The following PGAP1 variants were observed in gnomAD, a reference collection of about 807,000 sequenced individuals.
PGAP1 encodes GPI inositol-deacylase.
In PGAP1, 76 loss-of-function variants were observed where a neutral mutation model predicts 127.0. That is an observed-to-expected ratio of 0.60 (90% confidence interval 0.50 to 0.72). The LOEUF (loss-of-function observed/expected upper bound fraction) is 0.72. Ranked by LOEUF, PGAP1 falls within the 30% of genes least tolerant of loss-of-function variation. PGAP1 has a pLI of 0.00. For missense variants in PGAP1, 982 were observed against 1,071.3 expected (o/e 0.92, Z 1.16); for synonymous variants, 362 against 366.5 (o/e 0.99, Z 0.14).
chr2:196,879,988 C>CCG, intron 13 of PGAP1, 88 bp downstream of exon 13: 3 of 901,262 alleles, frequency 3.3e-6, no homozygotes, highest in Non-Finnish European at 5.3e-6. Flanking sequence ...TTTAGATAAA[C>CCG]TGTGCAGAAA....
At chr2:196,914,648 CAAAA>C (rs1702941438) in intron 3 of PGAP1, among the ~76,000 whole-genome samples, 1 of 150,412 alleles carries the variant, frequency 6.6e-6, no homozygotes, top group East Asian at 2.0e-4. Context: ...CAAAACAAAA[CAAAA>C]CAAAACAAAA....
intron 13 of PGAP1, among the ~76,000 whole-genome samples, chr2:196,878,947 A>C (rs1341144754): frequency 6.6e-6 from 1 of 152,208 alleles, no homozygotes; most frequent in Non-Finnish European, 1.5e-5. Context: ...TTTTTATTTT[A>C]TATTAACTTA....
intron 20 of PGAP1, among the ~76,000 whole-genome samples, chr2:196,863,681 G>A (rs1174607087): frequency 6.6e-6 from 1 of 152,120 alleles, no homozygotes; most frequent in East Asian, 1.9e-4. Flanking sequence ...GGATTCAAGC[G>A]ATTCTCCTGC....
chr2:196,920,100 C>A lies in PGAP1; in HGVS notation c.198G>T (p.Leu66Phe), dbSNP rs755140901. ...KLAKRYPAYE[L>F]YLYGEGSYAE... ...CATAGGATCCCTCTCCATAAAGATA[C>A]AACTCATATGCGGGATAGCGTTTTG... The change falls in exon 2 of 27, where the codon TTG (leucine) becomes TTT (phenylalanine). Residue 66 changes from leucine to phenylalanine, a missense_variant. Transcript: ENST00000354764. 1 of 1,613,112 alleles carries A rather than the reference C, an allele frequency of 6.2e-7. No individual in the cohort carries two copies. The highest frequency in any genetic ancestry group is 1.1e-5 in the South Asian group (1 of 90,926).
At chr2:196,871,093 G>A in intron 18 of PGAP1, 114 bp from the exon 19 acceptor site, 5 of 715,296 alleles carry the variant, frequency 7.0e-6, no homozygotes, top group Non-Finnish European at 1.1e-5. Context: ...TTTCTATAAT[G>A]GTAAACCTTA....
intron 5 of PGAP1, among the ~76,000 whole-genome samples, chr2:196,898,859 T>C (rs1702378303): frequency 6.6e-6 from 1 of 151,566 alleles, no homozygotes; most frequent in South Asian, 2.1e-4. Flanking sequence ...AAACCAAATA[T>C]GCCTAATCAC....
At chr2:196,842,925 C>A in intron 25 of PGAP1, 100 bp from the exon 26 acceptor site, 1 of 500,832 alleles carries the variant, frequency 2.0e-6, no homozygotes, top group Non-Finnish European at 3.5e-6. Flanking sequence ...ATTCCAGTAG[C>A]AATATGGATA....
intron 10 of PGAP1, among the ~76,000 whole-genome samples, 179 bp from the exon 11 acceptor site, chr2:196,886,059 A>C (rs1701893351): frequency 6.6e-6 from 1 of 152,208 alleles, no homozygotes; most frequent in Non-Finnish European, 1.5e-5. Context: ...AAAGTCAAAT[A>C]AATCAAGGAT....
At chr2:196,879,350 C>T (rs1701658224) in intron 13 of PGAP1, among the ~76,000 whole-genome samples, 1 of 152,158 alleles carries the variant, frequency 6.6e-6, no homozygotes, top group African/African-American at 2.4e-5. Flanking sequence ...CTTCCCTCTG[C>T]TCCAGTTACA....
At chr2:196,886,528 T>C (rs887791834) in intron 10 of PGAP1, among the ~76,000 whole-genome samples, 1 of 152,180 alleles carries the variant, frequency 6.6e-6, no homozygotes, top group East Asian at 1.9e-4. Flanking sequence ...TTCAGTAATG[T>C]CCATACTTTA....
At chr2:196,916,978 A>C (rs1420343750) in intron 2 of PGAP1, among the ~76,000 whole-genome samples, 1 of 152,088 alleles carries the variant, frequency 6.6e-6, no homozygotes, top group Admixed American at 6.5e-5. Flanking sequence ...TCCATTCATC[A>C]CTTGGTTTAG....
rs1386634024 is a variant in PGAP1, at chr2:196,841,228, C to T, written c.*6G>A. On this transcript the variant is annotated 3_prime_UTR_variant, in exon 27 of 27. Coordinates refer to ENST00000354764, the MANE Select transcript of PGAP1 (RefSeq NM_024989.4). The stretch of plus-strand genomic sequence containing the variant: ...AAATTATCTTCATCATTCCTTAAGT[C>T]CAATCTTACATAAAGTTGCATAATG... 3 of 1,609,668 alleles carry T rather than the reference C, an allele frequency of 1.9e-6. No homozygotes were observed. The African/African-American group carries it at 4.0e-5, about 22-fold the overall frequency.
At chr2:196,857,467 T>C (rs1221226815) in intron 20 of PGAP1, among the ~76,000 whole-genome samples, 1 of 152,216 alleles carries the variant, frequency 6.6e-6, no homozygotes, top group Non-Finnish European at 1.5e-5. Flanking sequence ...ATCATTACAA[T>C]GTGGTATTAG....
chr2:196,867,885 T>G (rs939103173), intron 19 of PGAP1, among the ~76,000 whole-genome samples: 4 of 152,232 alleles, frequency 2.6e-5, no homozygotes, highest in Non-Finnish European at 5.9e-5. Flanking sequence ...TACTTGTGAC[T>G]TATAGTTTAC....
intron 5 of PGAP1, among the ~76,000 whole-genome samples, chr2:196,900,943 A>G (rs1485074906): frequency 6.6e-6 from 1 of 152,194 alleles, no homozygotes; most frequent in Non-Finnish European, 1.5e-5. Context: ...AAAGAAAAAA[A>G]AAGAAAGCAA....
chr2:196,872,340 A>G (rs1302878171), intron 18 of PGAP1, 101 bp downstream of exon 18: 1 of 742,398 alleles, frequency 1.3e-6, no homozygotes, highest in Non-Finnish European at 2.2e-6. Flanking sequence ...TTTTATATGC[A>G]TTGGCTTCCA....
chr2:196,845,727 T>C (rs543486785), intron 23 of PGAP1, among the ~76,000 whole-genome samples, 155 bp downstream of exon 23: 41 of 152,282 alleles, frequency 2.7e-4, no homozygotes, highest in Non-Finnish European at 5.7e-4. Flanking sequence ...GTTAATTGTA[T>C]GTAATTTAAA....
chr2:196,919,325 C>T (rs1201220552), intron 2 of PGAP1, among the ~76,000 whole-genome samples: 1 of 152,204 alleles, frequency 6.6e-6, no homozygotes, highest in East Asian at 1.9e-4. Flanking sequence ...TACCTGTAGA[C>T]ACGTGCTAGA....
chr2:196,906,968 C>T (rs571644023), intron 4 of PGAP1, among the ~76,000 whole-genome samples: 10 of 145,094 alleles, frequency 6.9e-5, no homozygotes, highest in East Asian at 6.0e-4. Flanking sequence ...ACCAAATCTA[C>T]GTCTGATTGG....
Sources: allele counts gnomAD v4.1 joint callset (sites outside exome capture counted in the v4.1 genomes callset), GRCh38; gene constraint gnomAD v4.1.1; transcripts MANE v1.5; gene names NCBI Gene and HGNC (gene_info 2026-07-23, HGNC 2026-07-21).